The following RGSL1 variants were observed in gnomAD, a reference collection of about 807,000 sequenced individuals.
RGSL1 encodes regulator of G protein signaling like 1.
In RGSL1, 97 loss-of-function variants were observed where a neutral mutation model predicts 124.7. The ratio of observed to expected loss-of-function variants is 0.78; its 90% CI spans 0.66 to 0.92. The LOEUF (loss-of-function observed/expected upper bound fraction) is 0.92. RGSL1 is among the 40% of genes least tolerant of loss of function. The pLI is 0.00. For missense variants in RGSL1, 1,233 were observed against 1,288.4 expected (o/e 0.96, Z 0.66); for synonymous variants, 424 against 438.1 (o/e 0.97, Z 0.40).
intron 9 of RGSL1, among the ~76,000 whole-genome samples, chr1:182,513,419 T>C (rs1657619793): frequency 6.6e-6 from 1 of 152,228 alleles, no homozygotes; most frequent in Admixed American, 6.5e-5. Context: ...ATGTGTATTA[T>C]ACAAGGAAAG....
At chr1:182,494,506 G>T (rs1204087559) in intron 9 of RGSL1, among the ~76,000 whole-genome samples, 1 of 152,048 alleles carries the variant, frequency 6.6e-6, no homozygotes, top group African/African-American at 2.4e-5. Context: ...TTTTCAATGT[G>T]ACTACTAGAA....
Position 182,551,128 on chromosome 1 carries a change from T to C in RGSL1, c.2962T>C (p.Tyr988His), listed in dbSNP as rs1660535430. Residue 988 changes from tyrosine (Y) to histidine (H), a missense_variant, in exon 18 of 22, where the codon TAC becomes CAC. By Grantham distance (83) the Tyr-to-His change is moderately conservative. Coordinates refer to ENST00000294854, the MANE Select transcript of RGSL1 (RefSeq NM_001137669.2). ...TTGTTTCTGGAAGGCAACCCGCTCT[T>C]ACTTACAGTATAGGGGGAAGAAGTT... ...RFCFWKATRS[Y>H]LQYRGKKFKD... The C allele has an allele frequency of 1.3e-6, 2 of 1,551,592 alleles. No homozygotes were observed. Among genetic ancestry groups the C allele is most frequent in the African/African-American group, 1.4e-5 (1 of 73,060 alleles).
chr1:182,511,518 C>A (rs1657460653), intron 9 of RGSL1, among the ~76,000 whole-genome samples: 1 of 152,160 alleles, frequency 6.6e-6, no homozygotes, highest in African/African-American at 2.4e-5. Flanking sequence ...ACTGTTATTT[C>A]CCCATTGTAT....
chr1:182,473,735 C>A lies in RGSL1; in HGVS notation c.624C>A (p.Cys208Ter). ...TKMTMAKEEA[C>*]HGLMQEYETR... ...TGACCATGGCCAAGGAGGAAGCATGCCATGGTCTGATGCAAGAGTACGAGA... is the reference window on the plus strand; with the variant it reads ...TGACCATGGCCAAGGAGGAAGCATGACATGGTCTGATGCAAGAGTACGAGA... Residue 208 changes from cysteine (C) to a stop codon, truncating the protein, a stop_gained, in exon 6 of 22, where the codon TGC becomes TGA. Coordinates refer to ENST00000294854, the MANE Select transcript of RGSL1 (RefSeq NM_001137669.2). LOFTEE classifies it high-confidence loss of function. 11 of 1,551,750 alleles carry A rather than the reference C, an allele frequency of 7.1e-6. No homozygotes were observed. Among genetic ancestry groups the A allele is most frequent in the Non-Finnish European group, 9.6e-6 (11 of 1,147,012 alleles).
chr1:182,507,071 A>G (rs503477), intron 9 of RGSL1: 88,015 of 148,008 alleles, frequency 0.59, 26,822 homozygotes, highest in Non-Finnish European at 0.67. Context: ...CTCACCGCAA[A>G]CTCCACCTCC....
Position 182,516,320 on chromosome 1 carries a change from C to G in RGSL1, c.1826-5684C>G, listed in dbSNP as rs1657896171. 2.6e-5 allele frequency among the ~76,000 whole-genome samples: 4 copies of G among 152,230 alleles called. No individual in the cohort carries two copies. In the South Asian group the frequency reaches 8.3e-4, roughly 32 times the overall value. ...CCCTCTTCTACCCAGTATTTCCCGT[C>G]TCTATCTCCTGTCCATATCATCTGT... On this transcript the variant is annotated intron_variant, in intron 9 of 21. Coordinates refer to ENST00000294854, the MANE Select transcript of RGSL1 (RefSeq NM_001137669.2).
At chr1:182,457,629 A>C (rs1369650041) in intron 2 of RGSL1, among the ~76,000 whole-genome samples, 1 of 152,208 alleles carries the variant, frequency 6.6e-6, no homozygotes, top group South Asian at 2.1e-4. Flanking sequence ...TCAGCCAGTA[A>C]TTGGAGCTTC....
chr1:182,472,609 A>G lies in RGSL1; in HGVS notation c.463+52A>G, dbSNP rs866437680. ...GGGGATGCAACAAAAAAGTAAATCCAGTGTCTGATAATCCTCAGTCTCCTT... is the reference window on the plus strand; with the variant it reads ...GGGGATGCAACAAAAAAGTAAATCCGGTGTCTGATAATCCTCAGTCTCCTT... On this transcript the variant is annotated intron_variant, in intron 5 of 21. Coordinates refer to ENST00000294854, the MANE Select transcript of RGSL1 (RefSeq NM_001137669.2). 2.7e-5 allele frequency: 40 copies of G among 1,457,676 alleles called. 1 individual carries two copies. The Middle Eastern group carries it at 1.4e-3, about 52-fold the overall frequency. 90.3% of individuals were successfully genotyped at this position (1,457,676 alleles called of 1,614,324 possible).
chr1:182,504,224 G>A (rs759790153), intron 9 of RGSL1, among the ~76,000 whole-genome samples: 93 of 151,904 alleles, frequency 6.1e-4, no homozygotes, highest in African/African-American at 2.1e-3. Flanking sequence ...CAGGTGATCC[G>A]CTCGCCTACA....
In RGSL1 at chr1:182,473,717, G is replaced by A. The variant is rs1347802917; in HGVS notation, c.606G>A (p.Met202Ile). The stretch of plus-strand genomic sequence containing the variant: ...TTTACACCCACACCAAGATGACCAT[G>A]GCCAAGGAGGAAGCATGCCATGGTC... ...PNFYTHTKMTMAKEEACHGLM... is the reference protein window; with the variant it reads ...PNFYTHTKMTIAKEEACHGLM... The change falls in exon 6 of 22, where the codon ATG (methionine) becomes ATA (isoleucine). Residue 202 changes from methionine to isoleucine, a missense_variant. Coordinates refer to ENST00000294854, the MANE Select transcript of RGSL1 (RefSeq NM_001137669.2). The A allele has an allele frequency of 1.3e-6, 2 of 1,551,728 alleles. No individual in the cohort carries two copies. Among genetic ancestry groups the A allele is most frequent in the Admixed American group, 3.9e-5 (2 of 51,004 alleles).
intron 14 of RGSL1, among the ~76,000 whole-genome samples, chr1:182,540,001 C>A (rs771542710): frequency 3.9e-5 from 6 of 152,146 alleles, no homozygotes; most frequent in Non-Finnish European, 7.4e-5. Flanking sequence ...TGGTGTGCTT[C>A]TATTTCTATT....
At chr1:182,538,426 G>A (rs529650638) in intron 14 of RGSL1, among the ~76,000 whole-genome samples, 1 of 152,208 alleles carries the variant, frequency 6.6e-6, no homozygotes, top group East Asian at 1.9e-4. Context: ...TACTCAGGAG[G>A]CTGAGAAAGG....
intron 9 of RGSL1, among the ~76,000 whole-genome samples, chr1:182,512,400 T>C (rs1433566720): frequency 2.0e-5 from 3 of 152,144 alleles, no homozygotes; most frequent in African/African-American, 4.8e-5. Flanking sequence ...ATATGTGAAA[T>C]GGGAGAGTTC....
At chr1:182,551,901 C>A (rs1164571747) in intron 18 of RGSL1, among the ~76,000 whole-genome samples, 1 of 152,126 alleles carries the variant, frequency 6.6e-6, no homozygotes, top group African/African-American at 2.4e-5. Flanking sequence ...CATGGTGTCA[C>A]AATTGCAACA....
At chr1:182,472,612 G>A in intron 5 of RGSL1, 55 bp downstream of exon 5, 2 of 1,451,058 alleles carry the variant, frequency 1.4e-6, no homozygotes, top group Non-Finnish European at 1.8e-6. Context: ...TAAATCCAGT[G>A]TCTGATAATC....
At chr1:182,496,323 C>G (rs868020274) in intron 9 of RGSL1, among the ~76,000 whole-genome samples, 1 of 152,134 alleles carries the variant, frequency 6.6e-6, no homozygotes, top group South Asian at 2.1e-4. Context: ...GGCCCCACCT[C>G]CAACATTGGA....
intron 9 of RGSL1, among the ~76,000 whole-genome samples, chr1:182,499,429 CTTTA>C (rs1336859193): frequency 6.6e-6 from 1 of 151,982 alleles, no homozygotes; most frequent in Non-Finnish European, 1.5e-5. Flanking sequence ...TATGTGATGC[CTTTA>C]TTTGTCTTTT....
chr1:182,489,229 G>A lies in RGSL1; in HGVS notation c.1717+27G>A, dbSNP rs909572798. 6 of 1,528,700 alleles carry A rather than the reference G, an allele frequency of 3.9e-6. No individual in the cohort carries two copies. In the Admixed American group the frequency reaches 1.0e-4, roughly 25 times the overall value. 94.7% of individuals were successfully genotyped at this position (1,528,700 alleles called of 1,614,324 possible). On this transcript the variant is annotated intron_variant, in intron 8 of 21. Transcript: ENST00000294854. Reference sequence around the variant, plus strand: ...TCAGAGCAGTCACTGTAATTTTTTTGACCTTTACATATGGGCAACTGGAAA... The same window carrying A: ...TCAGAGCAGTCACTGTAATTTTTTTAACCTTTACATATGGGCAACTGGAAA...
chr1:182,464,851 C>T (rs939378996), intron 4 of RGSL1, among the ~76,000 whole-genome samples: 10 of 151,940 alleles, frequency 6.6e-5, no homozygotes, highest in Non-Finnish European at 1.2e-4. Context: ...CTCTACAAAG[C>T]TAGGATGAGA....
Sources: gnomAD v4.1 joint callset for allele counts (sites outside exome capture counted in the v4.1 genomes callset) on GRCh38, gnomAD v4.1.1 for gene constraint, MANE v1.5 for transcripts, NCBI Gene and HGNC (gene_info 2026-07-23, HGNC 2026-07-21) for gene names.